SP1: variants seen among roughly 807,000 people sequenced by gnomAD.
The protein encoded by SP1 is transcription factor Sp1.
A neutral mutation model predicts 66.3 loss-of-function variants in SP1; 6 were observed. The ratio of observed to expected loss-of-function variants is 0.09; its 90% CI spans 0.05 to 0.18. The LOEUF (loss-of-function observed/expected upper bound fraction) is 0.18. Ranked by LOEUF, SP1 falls within the 10% of genes least tolerant of loss-of-function variation. The pLI is 1.00. For missense variants in SP1, 848 were observed against 964.5 expected (o/e 0.88, Z 1.60); for synonymous variants, 417 against 360.8 (o/e 1.16, Z -1.77).
intron 2 of SP1, 119 bp downstream of exon 2, chr12:53,381,932 A>G: frequency 1.6e-6 from 2 of 1,265,048 alleles, no homozygotes; most frequent in Admixed American, 4.9e-5. Context: ...TAGATAAGGA[A>G]GTAAGAGAAT....
chr12:53,382,446 G>C lies in SP1; in HGVS notation c.499G>C (p.Val167Leu). Residue 167 changes from valine to leucine, a missense_variant, in exon 3 of 6, where the codon GTG (valine) becomes CTG (leucine). By Grantham distance (32) the Val-to-Leu change is conservative (BLOSUM62 1). Around this residue, in one of 7 missense-constraint regions of SP1, gnomAD observed 606 missense variants for 589.9 expected, o/e 1.03. Coordinates refer to ENST00000327443, the MANE Select transcript of SP1 (RefSeq NM_138473.3). ...GCAAGTTCTGACAGGACTACCTGGAGTGATGCCTAATATTCAGTATCAAGT... is the reference window on the plus strand; with the variant it reads ...GCAAGTTCTGACAGGACTACCTGGACTGATGCCTAATATTCAGTATCAAGT... ...NQQVLTGLPGVMPNIQYQVIP... is the reference protein window; with the variant it reads ...NQQVLTGLPGLMPNIQYQVIP... 1 of 1,614,200 alleles carries C rather than the reference G, an allele frequency of 6.2e-7. No individual in the cohort carries two copies. Among genetic ancestry groups the C allele is most frequent in the Non-Finnish European group, 8.5e-7 (1 of 1,180,028 alleles).
intron 3 of SP1, among the ~76,000 whole-genome samples, chr12:53,390,844 GTTC>G (rs1938333098): frequency 6.6e-6 from 1 of 152,088 alleles, no homozygotes; most frequent in South Asian, 2.1e-4. Context: ...GGCCATTTTA[GTTC>G]TTAATTAAAT....
intron 3 of SP1, among the ~76,000 whole-genome samples, chr12:53,404,561 ATAT>A (rs1938686772): frequency 1.3e-5 from 2 of 152,020 alleles, no homozygotes; most frequent in Non-Finnish European, 2.9e-5. Flanking sequence ...AAAAAAAAGA[ATAT>A]TATCTGTCAC....
intron 4 of SP1, among the ~76,000 whole-genome samples, 164 bp downstream of exon 4, chr12:53,406,917 T>A (rs578041272): frequency 6.6e-6 from 1 of 151,844 alleles, no homozygotes; most frequent in South Asian, 2.1e-4. Context: ...CTCCACCTCC[T>A]GGGTTCACGC....
At chr12:53,395,387 CAA>C (rs1938463961) in intron 3 of SP1, among the ~76,000 whole-genome samples, 1 of 151,854 alleles carries the variant, frequency 6.6e-6, no homozygotes, top group Non-Finnish European at 1.5e-5. Flanking sequence ...CATTAAAAAA[CAA>C]AAAAGAGTGT....
chr12:53,382,870 C>T lies in SP1; in HGVS notation c.923C>T (p.Ala308Val), dbSNP rs781331460. Residue 308 changes from alanine (A) to valine (V), a missense_variant, in exon 3 of 6, where the codon GCC (alanine) becomes GTC (valine). Ala to Val is a moderately conservative substitution (Grantham distance 64). This residue lies in a region of SP1 where 606 missense variants were observed against 589.9 expected (regional missense o/e 1.03). Transcript: ENST00000327443. ...PVTSGTTISSASLVSSQASSS... is the reference protein window; with the variant it reads ...PVTSGTTISSVSLVSSQASSS... The stretch of plus-strand genomic sequence containing the variant: ...ACCTCAGGGACTACCATCAGTTCTG[C>T]CAGCTTGGTATCATCACAAGCCAGT... 12 of 1,614,196 alleles carry T rather than the reference C, an allele frequency of 7.4e-6. No homozygotes were observed. The highest frequency in any genetic ancestry group is 1.0e-5 in the Non-Finnish European group (12 of 1,180,032).
At chr12:53,391,775 G>A (rs1046214241) in intron 3 of SP1, among the ~76,000 whole-genome samples, 7 of 147,766 alleles carry the variant, frequency 4.7e-5, no homozygotes, top group Admixed American at 1.4e-4. Flanking sequence ...AGTAGTCCCC[G>A]GTGTCTATTG....
At chr12:53,406,816 GGAA>G in intron 4 of SP1, 63 bp downstream of exon 4, 1 of 1,423,960 alleles carries the variant, frequency 7.0e-7, no homozygotes, top group South Asian at 1.3e-5. Context: ...GGAGATAAGA[GGAA>G]GAAGATTAAT....
chr12:53,401,620 C>T (rs1938613738), intron 3 of SP1, among the ~76,000 whole-genome samples: 1 of 151,990 alleles, frequency 6.6e-6, no homozygotes, highest in Non-Finnish European at 1.5e-5. Context: ...GATTTGGGGC[C>T]ATGCTTAGTG....
At chr12:53,387,950 C>T (rs780566103) in intron 3 of SP1, among the ~76,000 whole-genome samples, 2 of 151,774 alleles carry the variant, frequency 1.3e-5, no homozygotes, top group Admixed American at 1.3e-4. Context: ...TGTGCCACTG[C>T]ACTCCAGCCT....
Position 53,409,527 on chromosome 12 carries a change from G to A in SP1, c.2010G>A (p.Ser670=), listed in dbSNP as rs139548138. ...WSYCGKRFTR[S]DELQRHKRTH... ...ACTGTGGGAAACGCTTCACACGTTC[G>A]GATGAGCTACAGAGGCACAAACGTA... The change falls in exon 5 of 6, where the codon TCG becomes TCA. Residue 670 remains serine, a synonymous_variant. Transcript: ENST00000327443. The A allele has an allele frequency of 1.8e-5, 29 of 1,614,022 alleles. No homozygotes were observed. Among genetic ancestry groups the A allele is most frequent in the African/African-American group, 1.6e-4 (12 of 74,910 alleles).
chr12:53,392,787 G>GTAAT (rs1160663798), intron 3 of SP1, among the ~76,000 whole-genome samples: 1 of 151,958 alleles, frequency 6.6e-6, no homozygotes, highest in African/African-American at 2.4e-5. Context: ...GAGCCACCAT[G>GTAAT]CCTGGCCTAG....
At position 53,406,603 on chromosome 12, in the gene SP1, T is replaced by C. The variant is rs1253280833; in HGVS notation, c.1694T>C (p.Leu565Pro). Residue 565 changes from leucine (L) to proline (P), a missense_variant, in exon 4 of 6, where the codon CTT (leucine) becomes CCT (proline). By Grantham distance (98) the Leu-to-Pro change is moderately conservative. Transcript: ENST00000327443. ...ANAPGDHGAQ[L>P]GLHGAGGDGI... ...ATTTCAGGTGATCATGGAGCTCAGC[T>C]TGGTCTCCATGGGGCTGGTGGTGAT... The C allele has an allele frequency of 6.2e-7, 1 of 1,613,890 alleles. No homozygotes were observed. The highest frequency in any genetic ancestry group is 1.3e-5 in the African/African-American group (1 of 74,896).
In SP1 at chr12:53,383,351, G is replaced by A. The variant is rs763955853; in HGVS notation, c.1404G>A (p.Gln468=). 11 of 1,614,086 alleles carry A rather than the reference G, an allele frequency of 6.8e-6. No homozygotes were observed. The highest frequency in any genetic ancestry group is 9.3e-6 in the Non-Finnish European group (11 of 1,180,050). Residue 468 remains glutamine (Q), a synonymous_variant, in exon 3 of 6, where the codon CAG becomes CAA. Coordinates refer to ENST00000327443, the MANE Select transcript of SP1 (RefSeq NM_138473.3). Reference sequence around the variant, plus strand: ...GACAGGTCAGTTGGCAGACTCTACAGCTGCAGAACCTCCAAGTTCAGAACC... The same window carrying A: ...GACAGGTCAGTTGGCAGACTCTACAACTGCAGAACCTCCAAGTTCAGAACC... The part of the protein sequence containing the change: ...PNGQVSWQTL[Q]LQNLQVQNPQ...
chr12:53,405,205 C>T (rs1337876217), intron 3 of SP1, among the ~76,000 whole-genome samples: 1 of 152,030 alleles, frequency 6.6e-6, no homozygotes, highest in Non-Finnish European at 1.5e-5. Context: ...TCTTGAACTC[C>T]TAATCTCAAG....
Position 53,382,407 on chromosome 12 carries a change from A to G in SP1, c.460A>G (p.Asn154Asp). 5 of 1,614,204 alleles carry G rather than the reference A, an allele frequency of 3.1e-6. No homozygotes were observed. Among genetic ancestry groups the G allele is most frequent in the Non-Finnish European group, 4.2e-6 (5 of 1,180,036 alleles). Residue 154 changes from asparagine to aspartate, a missense_variant, in exon 3 of 6, where the codon AAC becomes GAC. Around this residue, in one of 7 missense-constraint regions of SP1, gnomAD observed 606 missense variants for 589.9 expected, o/e 1.03. Transcript: ENST00000327443. ...GGQYVVAAAP[N>D]LQNQQVLTGL... is the part of the protein sequence containing the mutation. ...GCAGTATGTTGTGGCTGCCGCTCCCAACTTACAGAACCAGCAAGTTCTGAC... is the reference window on the plus strand; with the variant it reads ...GCAGTATGTTGTGGCTGCCGCTCCCGACTTACAGAACCAGCAAGTTCTGAC...
intron 3 of SP1, among the ~76,000 whole-genome samples, chr12:53,391,870 G>A (rs1441733049): frequency 2.6e-5 from 4 of 151,662 alleles, no homozygotes; most frequent in East Asian, 1.9e-4. Flanking sequence ...CTGTTCCAGC[G>A]TTTATTCACT....
At chr12:53,390,670 T>C (rs1412993422) in intron 3 of SP1, among the ~76,000 whole-genome samples, 2 of 151,634 alleles carry the variant, frequency 1.3e-5, no homozygotes, top group Non-Finnish European at 2.9e-5. Context: ...GCAACAGAGC[T>C]AGATTCCGTC....
At chr12:53,380,449 G>A in intron 1 of SP1, 151 bp downstream of exon 1, 1 of 685,238 alleles carries the variant, frequency 1.5e-6, no homozygotes, top group Non-Finnish European at 2.1e-6. Context: ...AGGGAAGGGA[G>A]GGAGACGGGG....
Sources: allele counts gnomAD v4.1 joint callset (sites outside exome capture counted in the v4.1 genomes callset), GRCh38; gene constraint gnomAD v4.1.1; regional missense constraint gnomAD v4.1.1; transcripts MANE v1.5; gene names NCBI Gene and HGNC (gene_info 2026-07-23, HGNC 2026-07-21).